Variants in WDHD1 observed in about 807,000 individuals in gnomAD.
WDHD1 encodes WD repeat and HMG-box DNA-binding protein 1.
WDHD1 carries 111 observed loss-of-function variants against 135.4 expected under a neutral mutation model. The ratio of observed to expected loss-of-function variants is 0.82; its 90% CI spans 0.70 to 0.96. WDHD1 has a LOEUF of 0.96. WDHD1 is among the 40% of genes least tolerant of loss of function. WDHD1 has a pLI of 0.00. For synonymous variants in WDHD1, 434 were observed against 439.0 expected (o/e 0.99, Z 0.14); for missense variants, 1,351 against 1,336.3 (o/e 1.01, Z -0.17).
At chr14:55,011,716 G>A (rs911719568) in intron 3 of WDHD1, among the ~76,000 whole-genome samples, 2 of 151,258 alleles carry the variant, frequency 1.3e-5, no homozygotes, top group Admixed American at 1.3e-4. Context: ...TAACTGTTCT[G>A]AATCTCATTT....
rs2040809178 is a variant in WDHD1 at position 54,939,528 on chromosome 14, G to T, written c.*1962C>A. The T allele has an allele frequency of 6.6e-6, 1 of 150,610 alleles. No homozygotes were observed. Among genetic ancestry groups the T allele is most frequent in the Non-Finnish European group, 1.5e-5 (1 of 67,884 alleles). 9.3% of individuals were successfully genotyped at this position (150,610 alleles called of 1,614,324 possible). ...TAGGCAATATTATTGATATGATGAT[G>T]ATTAATAATTAATTTATTTCCATTT... On this transcript the variant is annotated 3_prime_UTR_variant, in exon 26 of 26. Coordinates refer to ENST00000360586, the MANE Select transcript of WDHD1 (RefSeq NM_007086.4).
intron 17 of WDHD1, 57 bp from the exon 18 acceptor site, chr14:54,966,663 G>A (rs941227646): frequency 1.6e-5 from 24 of 1,513,876 alleles, no homozygotes; most frequent in East Asian, 1.4e-4. Flanking sequence ...TGAGGCAAGC[G>A]TTAAATATTT....
rs979578049 is a variant in WDHD1, at chr14:54,939,797, G to C, written c.*1693C>G. The C allele has an allele frequency of 4.6e-5, 7 of 152,168 alleles. No individual in the cohort carries two copies. The highest frequency in any genetic ancestry group is 1.4e-4 in the African/African-American group (6 of 41,436). The allele number at this position is 152,168 out of a possible 1,614,324, so 9.4% of individuals were successfully genotyped here. On this transcript the variant is annotated 3_prime_UTR_variant, in exon 26 of 26. Transcript: ENST00000360586. ...ATGAATCTGAAATACAATATACACAGATTATATCCTTAAGCATTAGGTTGG... is the reference window on the plus strand; with the variant it reads ...ATGAATCTGAAATACAATATACACACATTATATCCTTAAGCATTAGGTTGG...
chr14:55,026,860 C>T, intron 1 of WDHD1, 57 bp from the exon 2 acceptor site: 1 of 1,568,320 alleles, frequency 6.4e-7, no homozygotes, highest in Non-Finnish European at 8.8e-7. Flanking sequence ...AGCAGCGAGG[C>T]TAGGGATAGG....
intron 18 of WDHD1, among the ~76,000 whole-genome samples, chr14:54,965,951 C>T (rs1010229015): frequency 2.1e-5 from 3 of 144,886 alleles, no homozygotes; most frequent in Non-Finnish European, 1.5e-5. Context: ...AGCGAAACTC[C>T]GCCTAAAAAA....
intron 10 of WDHD1, among the ~76,000 whole-genome samples, chr14:54,996,027 G>A (rs1468052396): frequency 6.6e-6 from 1 of 152,128 alleles, no homozygotes; most frequent in African/African-American, 2.4e-5. Context: ...GTAGTCTGGG[G>A]ATGGGATGGG....
rs565920018 is a variant in WDHD1 at position 55,003,596 on chromosome 14, T to TATAC, written c.601-1412_601-1411insGTAT. Among the ~76,000 whole-genome samples the TATAC allele has an allele frequency of 6.4e-3, 973 of 150,984 alleles. 51 individuals are homozygous for TATAC. The highest frequency in any genetic ancestry group is 0.022 in the African/African-American group (909 of 40,530). ...AAGAAAGAAAAACGAACTATATATA[T>TATAC]ATAGTTGCCCAGGCTGGAGAGAAGT... On this transcript the variant is annotated intron_variant, in intron 7 of 25. Transcript: ENST00000360586.
At position 54,957,220 on chromosome 14, in the gene WDHD1, G is replaced by C. The variant is rs769947426; in HGVS notation, c.2746-16C>G. On this transcript the variant is annotated splice_polypyrimidine_tract_variant and intron_variant, in intron 22 of 25. Transcript: ENST00000360586. ...TGGCTGATACCTAAAGAGCAAACTA[G>C]TGTTAGCACTGTATGTTTAAAGAAG... The C allele has an allele frequency of 6.3e-7, 1 of 1,596,418 alleles. No homozygotes were observed. Among genetic ancestry groups the C allele is most frequent in the Non-Finnish European group, 8.5e-7 (1 of 1,171,486 alleles).
intron 16 of WDHD1, among the ~76,000 whole-genome samples, chr14:54,971,543 C>A (rs137965013): frequency 1.3e-5 from 2 of 151,828 alleles, no homozygotes; most frequent in Non-Finnish European, 2.9e-5. Flanking sequence ...AAGATCTCTA[C>A]AAGAACTACA....
At chr14:54,981,753 C>G (rs2041622391) in intron 15 of WDHD1, 57 bp from the exon 16 acceptor site, 1 of 1,199,236 alleles carries the variant, frequency 8.3e-7, no homozygotes, top group African/African-American at 1.5e-5. Context: ...TAAAGGAACC[C>G]TATTTCAAAT....
In WDHD1 at chr14:54,995,764, T is replaced by C; in HGVS notation, c.992A>G (p.Asp331Gly). 1 of 1,612,478 alleles carries C rather than the reference T, an allele frequency of 6.2e-7. No individual in the cohort carries two copies. The highest frequency in any genetic ancestry group is 1.1e-5 in the South Asian group (1 of 90,812). Residue 331 changes from aspartate to glycine, a missense_variant, in exon 11 of 26, where the codon GAT becomes GGT. By Grantham distance (94) the Asp-to-Gly change is moderately conservative (BLOSUM62 -1). Around this residue, in one of 2 missense-constraint regions of WDHD1, gnomAD observed 1,330 missense variants for 1,296.1 expected, o/e 1.03. Coordinates refer to ENST00000360586, the MANE Select transcript of WDHD1 (RefSeq NM_007086.4). ...TAGAAAATCACCAGCATTACTCATATCATCTCCATCAAAAAGATCATTATA... is the reference window on the plus strand; with the variant it reads ...TAGAAAATCACCAGCATTACTCATACCATCTCCATCAAAAAGATCATTATA... ...KDYNDLFDGD[D>G]MSNAGDFLND...
At chr14:54,996,751 T>C (rs2041886249) in intron 10 of WDHD1, among the ~76,000 whole-genome samples, 1 of 152,144 alleles carries the variant, frequency 6.6e-6, no homozygotes, top group African/African-American at 2.4e-5. Flanking sequence ...GAGAACACCA[T>C]TAACAGATTA....
chr14:54,974,190 G>C (rs565192335), intron 16 of WDHD1, among the ~76,000 whole-genome samples: 1 of 152,068 alleles, frequency 6.6e-6, no homozygotes, highest in Admixed American at 6.5e-5. Flanking sequence ...AGGAGGCTGA[G>C]GTAGGCAGAT....
At chr14:54,960,415 T>G (rs1038169446) in intron 21 of WDHD1, among the ~76,000 whole-genome samples, 15 of 152,040 alleles carry the variant, frequency 9.9e-5, no homozygotes, top group Non-Finnish European at 2.2e-4. Flanking sequence ...TGATCCACCC[T>G]CCTCAGCCTC....
chr14:54,983,327 TA>T (rs1035176387), intron 15 of WDHD1, among the ~76,000 whole-genome samples: 7 of 148,144 alleles, frequency 4.7e-5, no homozygotes, highest in South Asian at 2.1e-4. Context: ...AGTGCCACAT[TA>T]AAAAAAAAAT....
At chr14:55,014,138 G>A (rs547815991) in intron 2 of WDHD1, among the ~76,000 whole-genome samples, 4 of 152,306 alleles carry the variant, frequency 2.6e-5, no homozygotes, top group South Asian at 4.1e-4. Context: ...GTCTCATTCT[G>A]TTGCCTAGGC....
chr14:54,977,018 T>C (rs1026248353), intron 16 of WDHD1, among the ~76,000 whole-genome samples: 1 of 152,186 alleles, frequency 6.6e-6, no homozygotes, highest in Non-Finnish European at 1.5e-5. Context: ...AGGAGAAGTA[T>C]TTATTCTTTC....
At chr14:55,001,390 A>G (rs528363918) in intron 8 of WDHD1, among the ~76,000 whole-genome samples, 2 of 151,856 alleles carry the variant, frequency 1.3e-5, no homozygotes, top group East Asian at 3.9e-4. Context: ...CCTCCCAGGT[A>G]GCTAGGGCTA....
At chr14:54,977,482 C>A in intron 16 of WDHD1, among the ~76,000 whole-genome samples, 1 of 152,154 alleles carries the variant, frequency 6.6e-6, no homozygotes, top group African/African-American at 2.4e-5. Context: ...GGGAGGATCA[C>A]TCGAGGTTAG....
Sources: allele counts gnomAD v4.1 joint callset (sites outside exome capture counted in the v4.1 genomes callset), GRCh38; gene constraint gnomAD v4.1.1; regional missense constraint gnomAD v4.1.1; transcripts MANE v1.5; gene names NCBI Gene and HGNC (gene_info 2026-07-23, HGNC 2026-07-21).